Variants in OXR1 observed in about 807,000 individuals in gnomAD.
OXR1 encodes the protein oxidation resistance protein 1.
OXR1 carries 41 observed loss-of-function variants against 104.6 expected under a neutral mutation model. The ratio of observed to expected loss-of-function variants is 0.39; its 90% confidence interval spans 0.31 to 0.51. OXR1 has a LOEUF of 0.51. OXR1 is among the 20% of genes least tolerant of loss of function. The pLI, the probability that OXR1 is intolerant of heterozygous loss-of-function variation, is 0.77. For missense variants in OXR1, 955 were observed against 1,031.9 expected (o/e 0.93, Z 1.02); for synonymous variants, 348 against 348.4 (o/e 1.00, Z 0.01).
intron 3 of OXR1, among the ~76,000 whole-genome samples, chr8:106,532,243 T>C (rs1814151340): frequency 6.6e-6 from 1 of 152,212 alleles, no homozygotes; most frequent in Admixed American, 6.5e-5. Flanking sequence ...ACATGGAGAA[T>C]GGTTGGGAAT....
In OXR1 at chr8:106,673,618, G is replaced by A. The variant is rs1433469993; in HGVS notation, c.221-5592G>A. Among the ~76,000 whole-genome samples, 4 of 152,288 alleles carry A rather than the reference G, an allele frequency of 2.6e-5. No homozygotes were observed. The East Asian group carries it at 7.7e-4, about 29-fold the overall frequency. On this transcript the variant is annotated intron_variant, in intron 3 of 16. Transcript: ENST00000517566. ...CAAATGTTAATCACCAAGACAATGGGTAAAATGTTTCCAGGGCATGTCAGA... is the reference window on the plus strand; with the variant it reads ...CAAATGTTAATCACCAAGACAATGGATAAAATGTTTCCAGGGCATGTCAGA...
chr8:106,522,006 A>T (rs1813297836), intron 3 of OXR1, among the ~76,000 whole-genome samples: 1 of 152,198 alleles, frequency 6.6e-6, no homozygotes, highest in African/African-American at 2.4e-5. Flanking sequence ...TCTTGTGGCC[A>T]AGTAAGTGCA....
At chr8:106,596,800 A>G (rs1471237803) in intron 3 of OXR1, among the ~76,000 whole-genome samples, 1 of 152,122 alleles carries the variant, frequency 6.6e-6, no homozygotes, top group Non-Finnish European at 1.5e-5. Context: ...CACGCCTGTA[A>G]TCCCAGCACT....
chr8:106,663,963 C>CA (rs1334417250), intron 3 of OXR1, among the ~76,000 whole-genome samples: 1 of 152,114 alleles, frequency 6.6e-6, no homozygotes, highest in Non-Finnish European at 1.5e-5. Context: ...CACCACAAAA[C>CA]AAAAAACTCA....
chr8:106,502,635 A>G (rs1811886377), intron 2 of OXR1, among the ~76,000 whole-genome samples: 1 of 152,132 alleles, frequency 6.6e-6, no homozygotes, highest in African/African-American at 2.4e-5. Context: ...CTGTAAAAAT[A>G]TTTTCGTTTT....
intron 2 of OXR1, among the ~76,000 whole-genome samples, chr8:106,397,087 G>C (rs1286254843): frequency 6.6e-6 from 1 of 152,072 alleles, no homozygotes; most frequent in East Asian, 1.9e-4. Context: ...ATCCTGGAAA[G>C]TTTGTCCAAA....
intron 2 of OXR1, among the ~76,000 whole-genome samples, chr8:106,458,356 G>A (rs1179198363): frequency 6.6e-6 from 1 of 152,126 alleles, no homozygotes; most frequent in Middle Eastern, 3.2e-3. Context: ...TCAACCTGCT[G>A]CTCTGGAAGG....
chr8:106,527,628 G>A (rs1377024469), intron 3 of OXR1, among the ~76,000 whole-genome samples: 2 of 152,114 alleles, frequency 1.3e-5, no homozygotes, highest in Non-Finnish European at 2.9e-5. Context: ...CAATCCAAAC[G>A]TCCTTTACAC....
In OXR1 at chr8:106,340,220, GA is replaced by G. The variant is rs10611410; in HGVS notation, c.-138-19241del. Among the ~76,000 whole-genome samples the G allele has an allele frequency of 3.6e-3, 440 of 121,338 alleles. 5 individuals are homozygous for G. The highest frequency in any genetic ancestry group is 0.019 in the Admixed American group (226 of 12,104). The allele number at this position is 121,338 out of a possible 152,430, so 79.6% of individuals were successfully genotyped here. On this transcript the variant is annotated intron_variant, in intron 1 of 16. Transcript: ENST00000517566. The stretch of plus-strand genomic sequence containing the variant: ...TGATTGGAACAGTTGTGAGGGAAAA[GA>G]AAAAAAAAAAAAAACCTTCTGACTT...
intron 1 of OXR1, among the ~76,000 whole-genome samples, chr8:106,350,422 A>G (rs1232345063): frequency 2.6e-5 from 4 of 152,206 alleles, no homozygotes; most frequent in Non-Finnish European, 4.4e-5. Flanking sequence ...TAATTTGAAC[A>G]TAAGGATATT....
At chr8:106,705,221 C>T (rs1220537754) in intron 8 of OXR1, among the ~76,000 whole-genome samples, 1 of 152,048 alleles carries the variant, frequency 6.6e-6, no homozygotes, top group East Asian at 1.9e-4. Context: ...GGTTCCAACA[C>T]CCTATAGATG....
At chr8:106,701,114 G>A (rs901350537) in intron 7 of OXR1, among the ~76,000 whole-genome samples, 3 of 152,130 alleles carry the variant, frequency 2.0e-5, no homozygotes, top group Non-Finnish European at 4.4e-5. Context: ...ACAAACTGAT[G>A]TGTATGGATC....
chr8:106,276,126 A>C (rs1309082049), intron 1 of OXR1, among the ~76,000 whole-genome samples: 2 of 152,214 alleles, frequency 1.3e-5, no homozygotes, highest in Non-Finnish European at 2.9e-5. Context: ...TTTGTCATTC[A>C]GAATTGTCTC....
chr8:106,371,313 A>T (rs183277861), intron 2 of OXR1, among the ~76,000 whole-genome samples: 3 of 149,998 alleles, frequency 2.0e-5, no homozygotes, highest in Non-Finnish European at 3.0e-5. Context: ...CCTAGCTAGC[A>T]GTCTATTTTG....
At chr8:106,315,649 A>T (rs1440115673) in intron 1 of OXR1, among the ~76,000 whole-genome samples, 1 of 152,234 alleles carries the variant, frequency 6.6e-6, no homozygotes, top group African/African-American at 2.4e-5. Flanking sequence ...TAGCAGAAAC[A>T]TACTGGGTGA....
intron 3 of OXR1, chr8:106,657,878 G>A (rs1435997657): frequency 1.3e-5 from 16 of 1,242,284 alleles, no homozygotes; most frequent in South Asian, 4.2e-5. Context: ...GCGCGGAGCC[G>A]CCTCCCCTGG....
At chr8:106,658,128 C>A (rs913511828) in intron 3 of OXR1, 2 of 1,246,780 alleles carry the variant, frequency 1.6e-6, no homozygotes, top group Non-Finnish European at 2.0e-6. Context: ...CCAGGGGGAC[C>A]TCGGGTGCGG....
chr8:106,398,930 T>C (rs2130467955), intron 2 of OXR1, among the ~76,000 whole-genome samples: 1 of 152,294 alleles, frequency 6.6e-6, no homozygotes, highest in African/African-American at 2.4e-5. Context: ...CATGCACATC[T>C]GGGGATTTTT....
At chr8:106,324,464 G>C (rs1008481182) in intron 1 of OXR1, among the ~76,000 whole-genome samples, 4 of 150,884 alleles carry the variant, frequency 2.7e-5, no homozygotes, top group Admixed American at 6.6e-5. Context: ...CCCCCTACAC[G>C]TGTTTACCTA....
Sources: allele counts gnomAD v4.1 joint callset (sites outside exome capture counted in the v4.1 genomes callset), GRCh38; gene constraint gnomAD v4.1.1; transcripts MANE v1.5; gene names NCBI Gene and HGNC (gene_info 2026-07-23, HGNC 2026-07-21).